CRPPA: variants seen among roughly 807,000 people sequenced by gnomAD.
CRPPA encodes the protein D-ribitol-5-phosphate cytidylyltransferase.
CRPPA carries 43 observed loss-of-function variants against 52.0 expected under a neutral mutation model. The observed-to-expected ratio is 0.83, with a 90% confidence interval of 0.65 to 1.07. CRPPA has a LOEUF of 1.07. Ranked by LOEUF, CRPPA falls within the 50% of genes least tolerant of loss-of-function variation. The probability of loss-of-function intolerance (pLI) is 0.00; values close to 1 mark genes in which losing one functional copy is unlikely to be tolerated. For missense variants in CRPPA, 629 were observed against 551.7 expected (o/e 1.14, Z -1.40); for synonymous variants, 250 against 203.5 (o/e 1.23, Z -1.94).
At chr7:16,151,925 TAGTG>T (rs1157011223) in intron 9 of CRPPA, among the ~76,000 whole-genome samples, 11 of 152,008 alleles carry the variant, frequency 7.2e-5, no homozygotes, top group African/African-American at 2.7e-4. Context: ...ACTGAAAACA[TAGTG>T]AGCAAATAAA....
intron 1 of CRPPA, among the ~76,000 whole-genome samples, chr7:16,417,800 A>C (rs947422556): frequency 2.0e-5 from 3 of 152,180 alleles, no homozygotes; most frequent in African/African-American, 7.2e-5. Context: ...GAAGTTATAA[A>C]AAAAAAAATC....
chr7:16,243,691 G>C (rs1783188953), intron 8 of CRPPA, among the ~76,000 whole-genome samples: 1 of 152,110 alleles, frequency 6.6e-6, no homozygotes, highest in Non-Finnish European at 1.5e-5. Context: ...TCAAAGCTGG[G>C]TGCAGTGGCT....
intron 8 of CRPPA, among the ~76,000 whole-genome samples, chr7:16,229,597 T>C (rs1327998275): frequency 6.6e-6 from 1 of 152,128 alleles, no homozygotes; most frequent in Non-Finnish European, 1.5e-5. Flanking sequence ...ATTTTCATAT[T>C]GCATATCCTT....
chr7:16,140,999 C>A (rs554621422), intron 9 of CRPPA, among the ~76,000 whole-genome samples: 2 of 152,116 alleles, frequency 1.3e-5, no homozygotes, highest in Admixed American at 1.3e-4. Flanking sequence ...ATATTAAGAA[C>A]CTTGCCTAGA....
At chr7:16,409,984 T>A (rs1788041033) in intron 1 of CRPPA, among the ~76,000 whole-genome samples, 1 of 152,156 alleles carries the variant, frequency 6.6e-6, no homozygotes. Flanking sequence ...CAGTATAACA[T>A]CTTACAACAC....
intron 2 of CRPPA, among the ~76,000 whole-genome samples, chr7:16,391,494 G>A (rs866359784): frequency 2.6e-5 from 4 of 152,268 alleles, no homozygotes; most frequent in South Asian, 2.1e-4. Flanking sequence ...ACCTGTTCAT[G>A]ATGAGTTAGA....
intron 9 of CRPPA, among the ~76,000 whole-genome samples, chr7:16,121,028 G>A (rs945043271): frequency 5.9e-5 from 9 of 151,896 alleles, no homozygotes; most frequent in Non-Finnish European, 5.9e-5. Flanking sequence ...AAAACAATCA[G>A]CAATAGTATA....
At chr7:16,141,248 A>G (rs1046076329) in intron 9 of CRPPA, among the ~76,000 whole-genome samples, 1 of 152,178 alleles carries the variant, frequency 6.6e-6, no homozygotes, top group Non-Finnish European at 1.5e-5. Flanking sequence ...ATCTTCCTAA[A>G]TCCTTTATAG....
intron 8 of CRPPA, among the ~76,000 whole-genome samples, chr7:16,245,818 G>T (rs138260004): frequency 6.6e-6 from 1 of 152,012 alleles, no homozygotes; most frequent in South Asian, 2.1e-4. Flanking sequence ...CATCCGTTAC[G>T]TGCACAATAG....
In CRPPA at chr7:16,181,689, G is replaced by A. The variant is rs115793819; in HGVS notation, c.1251+34377C>T. ...AGCACTTTTCTCAACTTAAAAAACA[G>A]CATAAATTATTAAATTAATTCAAGG... On this transcript the variant is annotated intron_variant, in intron 9 of 9. Coordinates refer to ENST00000407010, the MANE Select transcript of CRPPA (RefSeq NM_001101426.4). Among the ~76,000 whole-genome samples the A allele has an allele frequency of 7.2e-3, 1,087 of 151,914 alleles. 15 individuals are homozygous for A. The highest frequency in any genetic ancestry group is 0.025 in the African/African-American group (1,030 of 41,482).
intron 8 of CRPPA, among the ~76,000 whole-genome samples, chr7:16,244,786 T>C (rs1462660883): frequency 6.6e-6 from 1 of 152,190 alleles, no homozygotes; most frequent in Non-Finnish European, 1.5e-5. Flanking sequence ...AAGACCCTTG[T>C]ATAAGAAAAA....
At chr7:16,178,656 T>C (rs1330517891) in intron 9 of CRPPA, among the ~76,000 whole-genome samples, 1 of 152,086 alleles carries the variant, frequency 6.6e-6, no homozygotes, top group Non-Finnish European at 1.5e-5. Flanking sequence ...GGGCAGACTA[T>C]CAGTGACTTA....
intron 3 of CRPPA, among the ~76,000 whole-genome samples, chr7:16,371,736 G>A (rs1490661212): frequency 6.6e-6 from 1 of 151,294 alleles, no homozygotes; most frequent in Admixed American, 6.6e-5. Flanking sequence ...CCAGATATAA[G>A]AATTCAGAAA....
chr7:16,250,030 A>T (rs1783401213), intron 8 of CRPPA, among the ~76,000 whole-genome samples: 1 of 152,230 alleles, frequency 6.6e-6, no homozygotes. Context: ...TGTAGAGAAG[A>T]ATATAAAAGA....
In CRPPA at chr7:16,089,316, G is replaced by A. The variant is rs886062153; in HGVS notation, c.*2379C>T. 14 of 395,846 alleles carry A rather than the reference G, an allele frequency of 3.5e-5. No homozygotes were observed. The highest frequency in any genetic ancestry group is 7.3e-5 in the Admixed American group (3 of 41,192). The allele number at this position is 395,846 out of a possible 1,614,324, so 24.5% of individuals were successfully genotyped here. On this transcript the variant is annotated 3_prime_UTR_variant, in exon 10 of 10. Coordinates refer to ENST00000407010, the MANE Select transcript of CRPPA (RefSeq NM_001101426.4). ...CGTATATACATATATGTGTGTATGC[G>A]TACGTATATAAATATATGTGTGTAT... is the stretch of plus-strand genomic sequence containing the variant.
chr7:16,249,417 C>T (rs1345917797), intron 8 of CRPPA, among the ~76,000 whole-genome samples: 1 of 152,176 alleles, frequency 6.6e-6, no homozygotes, highest in African/African-American at 2.4e-5. Flanking sequence ...TCCCTGACAC[C>T]CGCGTAGCCT....
At chr7:16,218,869 A>G (rs1241444203) in intron 8 of CRPPA, among the ~76,000 whole-genome samples, 7 of 150,960 alleles carry the variant, frequency 4.6e-5, no homozygotes, top group Non-Finnish European at 1.0e-4. Context: ...CACTGTCAAC[A>G]TTAGACAGAT....
At chr7:16,378,855 T>A (rs1294774846) in intron 2 of CRPPA, among the ~76,000 whole-genome samples, 1 of 152,228 alleles carries the variant, frequency 6.6e-6, no homozygotes, top group African/African-American at 2.4e-5. Flanking sequence ...ATTTCTCTGA[T>A]GGCCAGTGAT....
chr7:16,265,221 C>G (rs963463939), intron 6 of CRPPA, among the ~76,000 whole-genome samples: 1 of 152,110 alleles, frequency 6.6e-6, no homozygotes, highest in African/African-American at 2.4e-5. Context: ...TCATGACCTG[C>G]CACCATAGGA....
Sources: allele counts gnomAD v4.1 joint callset (sites outside exome capture counted in the v4.1 genomes callset), GRCh38; gene constraint gnomAD v4.1.1; transcripts MANE v1.5; gene names NCBI Gene and HGNC (gene_info 2026-07-23, HGNC 2026-07-21).